NELL1: variants seen among roughly 807,000 people sequenced by gnomAD.
NELL1 encodes neural EGFL like 1.
In NELL1, 76 loss-of-function variants were observed where a neutral mutation model predicts 107.4. That is an observed-to-expected ratio of 0.71 (90% CI 0.59 to 0.86). The LOEUF is 0.86. NELL1 is among the 40% of genes least tolerant of loss of function. The pLI is 0.00. For synonymous variants in NELL1, 353 were observed against 341.2 expected (o/e 1.03, Z -0.38); for missense variants, 1,024 against 1,005.5 (o/e 1.02, Z -0.25).
intron 14 of NELL1, among the ~76,000 whole-genome samples, chr11:21,235,891 T>G (rs1435814865): frequency 6.6e-6 from 1 of 152,166 alleles, no homozygotes; most frequent in Non-Finnish European, 1.5e-5. Flanking sequence ...CTTAATCTAT[T>G]TTCTTTTGAA....
At chr11:21,229,523 G>A (rs1284111133) in intron 14 of NELL1, 69 bp downstream of exon 14, 19 of 1,595,518 alleles carry the variant, frequency 1.2e-5, no homozygotes, top group East Asian at 9.0e-5. Context: ...CTTGTGCGTC[G>A]GACCTTCTTG....
At chr11:21,326,407 A>G (rs1354865807) in intron 14 of NELL1, among the ~76,000 whole-genome samples, 2 of 152,036 alleles carry the variant, frequency 1.3e-5, no homozygotes, top group Admixed American at 6.6e-5. Context: ...AATATTTAAA[A>G]GGGTAAATTT....
chr11:20,695,122 C>G (rs1032001159), intron 2 of NELL1, among the ~76,000 whole-genome samples: 4 of 152,006 alleles, frequency 2.6e-5, no homozygotes, highest in South Asian at 2.1e-4. Flanking sequence ...AAAAATGTTA[C>G]TGATTTTTAT....
chr11:20,851,009 C>T (rs1394696797), intron 4 of NELL1, among the ~76,000 whole-genome samples: 3 of 152,136 alleles, frequency 2.0e-5, no homozygotes, highest in Admixed American at 6.6e-5. Context: ...TAGTCTAACC[C>T]ACCCTCCAGG....
chr11:21,196,712 G>C (rs967379194), intron 13 of NELL1, among the ~76,000 whole-genome samples: 1 of 151,702 alleles, frequency 6.6e-6, no homozygotes, highest in Non-Finnish European at 1.5e-5. Flanking sequence ...TTTATTGTTT[G>C]TCTCTCCTGC....
intron 12 of NELL1, among the ~76,000 whole-genome samples, chr11:21,023,058 C>A (rs559809788): frequency 1.3e-5 from 2 of 152,004 alleles, no homozygotes; most frequent in Non-Finnish European, 2.9e-5. Flanking sequence ...AGAATACTCA[C>A]TGAAATTTTC....
chr11:21,234,022 A>C (rs911885203), intron 14 of NELL1, among the ~76,000 whole-genome samples: 2 of 152,220 alleles, frequency 1.3e-5, no homozygotes, highest in African/African-American at 4.8e-5. Context: ...AAATTCTTCC[A>C]ACCCAACGGA....
At chr11:21,280,377 G>T (rs1324410675) in intron 14 of NELL1, among the ~76,000 whole-genome samples, 1 of 152,166 alleles carries the variant, frequency 6.6e-6, no homozygotes, top group African/African-American at 2.4e-5. Context: ...AAAATCAGGT[G>T]AGCATTCACA....
chr11:20,803,553 C>T (rs1011826321), intron 3 of NELL1, among the ~76,000 whole-genome samples: 2 of 152,240 alleles, frequency 1.3e-5, no homozygotes, highest in Middle Eastern at 3.4e-3. Context: ...TTGGTTTCTG[C>T]TCTGACCTTT....
intron 15 of NELL1, among the ~76,000 whole-genome samples, chr11:21,510,071 C>T (rs191156715): frequency 3.3e-5 from 5 of 152,292 alleles, no homozygotes; most frequent in Non-Finnish European, 1.5e-5. Context: ...GCCTAATTAA[C>T]ATCTTCGGCA....
At chr11:21,003,357 C>T (rs149865173) in intron 12 of NELL1, among the ~76,000 whole-genome samples, 76 of 152,226 alleles carry the variant, frequency 5.0e-4, no homozygotes, top group Non-Finnish European at 9.6e-4. Flanking sequence ...ATATACAATG[C>T]AAAGAACAAA....
At chr11:20,899,848 A>G (rs1425757119) in intron 5 of NELL1, among the ~76,000 whole-genome samples, 1 of 152,130 alleles carries the variant, frequency 6.6e-6, no homozygotes, top group Non-Finnish European at 1.5e-5. Context: ...GGAAAATTAG[A>G]GAAAAATGGA....
chr11:20,784,165 G>T (rs1333816790), intron 3 of NELL1, among the ~76,000 whole-genome samples: 2 of 152,176 alleles, frequency 1.3e-5, no homozygotes. Context: ...TTTATGTGGG[G>T]ATTATACTTG....
intron 17 of NELL1, among the ~76,000 whole-genome samples, chr11:21,560,812 A>C (rs1184587481): frequency 6.6e-6 from 1 of 152,138 alleles, no homozygotes; most frequent in East Asian, 1.9e-4. Context: ...AAGCAAGGCC[A>C]ACAGACTTGC....
chr11:21,493,737 T>A lies in NELL1; in HGVS notation c.1646-40637T>A, dbSNP rs74742688. ...GAATGTATTATGTATTTAAAAGAAG[T>A]TTGAAGAGAGGACTTGAAATGTTAC... is the stretch of plus-strand genomic sequence containing the variant. On this transcript the variant is annotated intron_variant, in intron 15 of 19. Transcript: ENST00000357134. Among the ~76,000 whole-genome samples the A allele has an allele frequency of 3.1e-3, 477 of 152,046 alleles. 3 individuals are homozygous for A. Among genetic ancestry groups the A allele is most frequent in the African/African-American group, 0.011 (443 of 41,518 alleles).
intron 12 of NELL1, among the ~76,000 whole-genome samples, chr11:21,057,935 C>T (rs1853649395): frequency 6.6e-6 from 1 of 152,074 alleles, no homozygotes; most frequent in Non-Finnish European, 1.5e-5. Context: ...ATGCTTTCTC[C>T]TATAGGCAGA....
chr11:21,357,583 TCTC>T (rs1210978308), intron 14 of NELL1, among the ~76,000 whole-genome samples: 1 of 152,228 alleles, frequency 6.6e-6, no homozygotes, highest in East Asian at 1.9e-4. Flanking sequence ...GTGAATATTT[TCTC>T]CTGTTCTGTG....
chr11:20,982,846 T>C (rs10766755), intron 12 of NELL1, among the ~76,000 whole-genome samples: 41,138 of 152,138 alleles, frequency 0.27, 6,874 homozygotes, highest in East Asian at 0.51. Context: ...CTTAAAAGCG[T>C]AGAGCTTACT....
intron 9 of NELL1, among the ~76,000 whole-genome samples, chr11:20,936,427 G>A (rs1389659517): frequency 6.6e-6 from 1 of 152,156 alleles, no homozygotes; most frequent in Non-Finnish European, 1.5e-5. Flanking sequence ...GTTAACTTAG[G>A]CATGTCCCTG....
Sources: allele counts gnomAD v4.1 joint callset (sites outside exome capture counted in the v4.1 genomes callset), GRCh38; gene constraint gnomAD v4.1.1; transcripts MANE v1.5; gene names NCBI Gene and HGNC (gene_info 2026-07-23, HGNC 2026-07-21).